The following GRM3 variants were observed in gnomAD, a reference collection of about 807,000 sequenced individuals.
The protein encoded by GRM3 is metabotropic glutamate receptor 3.
GRM3 carries 26 observed loss-of-function variants against 70.5 expected under a neutral mutation model. That is an observed-to-expected ratio of 0.37 (90% CI 0.27 to 0.51). GRM3 has a LOEUF of 0.51. GRM3 is among the 20% of genes least tolerant of loss of function. GRM3 has a pLI of 0.93. For missense variants in GRM3, 859 were observed against 1,123.8 expected, an observed-to-expected ratio of 0.76 and a Z score of 3.37; for synonymous variants, 443 against 434.9, an observed-to-expected ratio of 1.02 and a Z score of -0.23.
At chr7:86,693,181 C>A (rs928697292) in intron 1 of GRM3, among the ~76,000 whole-genome samples, 6 of 152,190 alleles carry the variant, frequency 3.9e-5, no homozygotes, top group Non-Finnish European at 2.9e-5. Flanking sequence ...ATACCAGGCA[C>A]TTTACCTATG....
intron 3 of GRM3, among the ~76,000 whole-genome samples, chr7:86,821,756 G>A (rs1798125477): frequency 6.6e-6 from 1 of 152,094 alleles, no homozygotes. Context: ...AAAAGAGATT[G>A]TTTATGGTCA....
intron 1 of GRM3, among the ~76,000 whole-genome samples, chr7:86,725,694 T>C (rs1795576549): frequency 6.6e-6 from 1 of 152,156 alleles, no homozygotes; most frequent in Non-Finnish European, 1.5e-5. Flanking sequence ...GAAAACTTTC[T>C]CTTAGTTGGC....
At chr7:86,689,092 G>T (rs116770499) in intron 1 of GRM3, among the ~76,000 whole-genome samples, 5,052 of 150,828 alleles carry the variant, frequency 0.033, 275 homozygotes, top group African/African-American at 0.12. Context: ...AGTACAAAAG[G>T]TCGAAAGGGA....
chr7:86,781,867 G>T (rs1296964403), intron 2 of GRM3, among the ~76,000 whole-genome samples: 2 of 152,008 alleles, frequency 1.3e-5, no homozygotes, highest in Non-Finnish European at 2.9e-5. Flanking sequence ...TGCTGTCTTT[G>T]AGTACGTTTA....
chr7:86,864,186 C>T lies in GRM3; in HGVS notation c.2567-96C>T, dbSNP rs185261012. The T allele has an allele frequency of 6.9e-6, 5 of 726,894 alleles. No homozygotes were observed. In the African/African-American group the frequency reaches 6.9e-5, roughly 10 times the overall value. 45.0% of individuals were successfully genotyped at this position (726,894 alleles called of 1,614,324 possible). ...TATCCCTCACCTCCTTCCCACCCTT[C>T]CCCCCGAGTCCCCAAAGTCCATTGT... On this transcript the variant is annotated intron_variant, in intron 5 of 5. Transcript: ENST00000361669.
At chr7:86,655,853 G>GTGT (rs1562814701) in intron 1 of GRM3, among the ~76,000 whole-genome samples, 30,438 of 134,160 alleles carry the variant, frequency 0.23, 3,604 homozygotes, top group South Asian at 0.38. Flanking sequence ...TGTGTGTGTG[G>GTGT]GTGGGTGGGT....
chr7:86,764,289 CATG>C (rs1364139069), intron 1 of GRM3, among the ~76,000 whole-genome samples: 1 of 151,968 alleles, frequency 6.6e-6, no homozygotes, highest in Non-Finnish European at 1.5e-5. Flanking sequence ...CAAGATGAAG[CATG>C]ATAACAGAAA....
At position 86,644,869 on chromosome 7, in the gene GRM3, C is replaced by G. The variant is rs990232894; in HGVS notation, c.-144C>G. On this transcript the variant is annotated 5_prime_UTR_variant, in exon 1 of 6. Transcript: ENST00000361669. ...CAGTTCCTGCCAGGAGTTGTCGGTG[C>G]GAGGTAAGGGTCCCAGAGGAGGACG... 3 of 1,286,966 alleles carry G rather than the reference C, an allele frequency of 2.3e-6. No individual in the cohort carries two copies. In the African/African-American group the frequency reaches 4.6e-5, roughly 20 times the overall value. 79.7% of individuals were successfully genotyped at this position (1,286,966 alleles called of 1,614,324 possible).
At chr7:86,799,093 G>A (rs1797623205) in intron 3 of GRM3, among the ~76,000 whole-genome samples, 1 of 151,998 alleles carries the variant, frequency 6.6e-6, no homozygotes, top group Non-Finnish European at 1.5e-5. Flanking sequence ...GTATTCCTAG[G>A]TATTTTTTTC....
chr7:86,851,571 A>G (rs1314678943), intron 5 of GRM3, among the ~76,000 whole-genome samples: 1 of 152,130 alleles, frequency 6.6e-6, no homozygotes, highest in Non-Finnish European at 1.5e-5. Flanking sequence ...AGTTGATCAG[A>G]AAGGATACTT....
intron 1 of GRM3, among the ~76,000 whole-genome samples, chr7:86,732,421 T>C (rs907535844): frequency 1.6e-5 from 2 of 128,976 alleles, no homozygotes; most frequent in South Asian, 2.3e-4. Context: ...AACCTGGCTA[T>C]AGAGGCAGTT....
intron 1 of GRM3, among the ~76,000 whole-genome samples, chr7:86,763,797 A>C (rs1021595277): frequency 6.6e-6 from 1 of 152,126 alleles, no homozygotes; most frequent in African/African-American, 2.4e-5. Context: ...CAGGTTATAC[A>C]ACAAAAAGTT....
intron 1 of GRM3, among the ~76,000 whole-genome samples, chr7:86,682,784 A>G (rs1794472818): frequency 6.6e-6 from 1 of 152,160 alleles, no homozygotes; most frequent in African/African-American, 2.4e-5. Context: ...GCTAGTCATT[A>G]TGGTTCAGAG....
Position 86,765,157 on chromosome 7 carries a change from G to C in GRM3, c.12G>C (p.Leu4Phe), listed in dbSNP as rs763029744. 1 of 1,579,128 alleles carries C rather than the reference G, an allele frequency of 6.3e-7. No individual in the cohort carries two copies. The highest frequency in any genetic ancestry group is 2.2e-5 in the East Asian group (1 of 44,704). MKM[L>F]TRLQVLTLAL... ...CAGAAACAGGATTCATGAAGATGTT[G>C]ACAAGACTGCAAGTTCTTACCTTAG... Residue 4 changes from leucine (L) to phenylalanine (F), a missense_variant, in exon 2 of 6, where the codon TTG becomes TTC. Leu to Phe is a conservative substitution (Grantham distance 22). Coordinates refer to ENST00000361669, the MANE Select transcript of GRM3 (RefSeq NM_000840.3).
intron 3 of GRM3, chr7:86,833,285 T>C (rs975061454): frequency 5.3e-4 from 79 of 149,452 alleles, no homozygotes; most frequent in African/African-American, 1.7e-3. Context: ...CTGGGAGATA[T>C]ACCTAATGCT....
intron 5 of GRM3, among the ~76,000 whole-genome samples, chr7:86,855,821 T>C (rs1350206686): frequency 6.6e-6 from 1 of 152,150 alleles, no homozygotes; most frequent in African/African-American, 2.4e-5. Context: ...TGAATATGAC[T>C]TTATAAAATA....
At chr7:86,805,859 A>G (rs1797779511) in intron 3 of GRM3, among the ~76,000 whole-genome samples, 1 of 151,894 alleles carries the variant, frequency 6.6e-6, no homozygotes. Flanking sequence ...TTAACTCATC[A>G]TTTACATTAG....
intron 4 of GRM3, among the ~76,000 whole-genome samples, chr7:86,842,162 T>G (rs1464916612): frequency 6.6e-6 from 1 of 152,114 alleles, no homozygotes; most frequent in East Asian, 1.9e-4. Context: ...GGCATCAGGA[T>G]TTTTCAAAGC....
chr7:86,791,731 A>C (rs1797424238), intron 3 of GRM3, among the ~76,000 whole-genome samples: 2 of 152,364 alleles, frequency 1.3e-5, no homozygotes, highest in South Asian at 4.1e-4. Context: ...GATGATCAAT[A>C]GGTTTATAGT....
Sources: gnomAD v4.1 joint callset for allele counts (sites outside exome capture counted in the v4.1 genomes callset) on GRCh38, gnomAD v4.1.1 for gene constraint, MANE v1.5 for transcripts, NCBI Gene and HGNC (gene_info 2026-07-23, HGNC 2026-07-21) for gene names.